Variants in MTMR9 observed in about 807,000 individuals in gnomAD.
The protein encoded by MTMR9 is myotubularin-related protein 9.
In MTMR9, 39 loss-of-function variants were observed where a neutral mutation model predicts 69.5. The ratio of observed to expected loss-of-function variants is 0.56; its 90% CI spans 0.43 to 0.73. MTMR9 has a LOEUF of 0.73. MTMR9 is among the 30% of genes least tolerant of loss of function. MTMR9 has a pLI of 0.00. For synonymous variants in MTMR9, 354 were observed against 240.8 expected, an observed-to-expected ratio of 1.47 and a Z score of -4.35; for missense variants, 900 against 671.2, an observed-to-expected ratio of 1.34 and a Z score of -3.77.
At chr8:11,319,260 T>G (rs1800560085) in intron 8 of MTMR9, 1 of 153,554 alleles carries the variant, frequency 6.5e-6, no homozygotes, top group Admixed American at 6.5e-5. Context: ...GACATAAATG[T>G]CAAAAAGTGT....
At chr8:11,296,682 C>G (rs1339981342) in intron 2 of MTMR9, among the ~76,000 whole-genome samples, 3 of 152,100 alleles carry the variant, frequency 2.0e-5, no homozygotes, top group African/African-American at 4.8e-5. Context: ...GCATAATATC[C>G]TCACAGTTCA....
At chr8:11,338,059 G>A in the MTMR9 span, among the ~76,000 whole-genome samples, 12 of 152,206 alleles carry the variant, frequency 7.9e-5, no homozygotes, top group African/African-American at 2.9e-4. Context: ...GGGAGCATTC[G>A]GACTTGTGGG....
chr8:11,285,316 G>A (rs1158054196), intron 1 of MTMR9: 4 of 399,510 alleles, frequency 1.0e-5, no homozygotes, highest in Non-Finnish European at 1.8e-5. Context: ...GATCATTTCT[G>A]GTTCGTAACA....
intron 1 of MTMR9, among the ~76,000 whole-genome samples, chr8:11,292,383 A>G (rs1232243149): frequency 1.3e-5 from 2 of 152,154 alleles, no homozygotes; most frequent in Non-Finnish European, 2.9e-5. Context: ...AGATGTAGGT[A>G]TGTGTTTTAC....
chr8:11,309,123 C>T (rs1290487605), intron 5 of MTMR9, among the ~76,000 whole-genome samples: 1 of 152,100 alleles, frequency 6.6e-6, no homozygotes, highest in East Asian at 1.9e-4. Flanking sequence ...AGCTAGAAAA[C>T]AGTGGGATCC....
downstream of MTMR9, chr8:11,331,123 C>T: frequency 1.9e-6 from 3 of 1,601,894 alleles, no homozygotes; most frequent in Non-Finnish European, 2.6e-6. Context: ...GGCAGTCACC[C>T]CTACTTCAAC....
chr8:11,315,322 G>A (rs1800370583), intron 7 of MTMR9, among the ~76,000 whole-genome samples: 1 of 152,150 alleles, frequency 6.6e-6, no homozygotes, highest in Non-Finnish European at 1.5e-5. Flanking sequence ...TACAAAGAAT[G>A]GGAAGCATAG....
At chr8:11,288,149 C>G (rs1799248409) in intron 1 of MTMR9, among the ~76,000 whole-genome samples, 1 of 130,948 alleles carries the variant, frequency 7.6e-6, no homozygotes, top group Non-Finnish European at 1.6e-5. Context: ...CCTAATTATT[C>G]AGCGAATAGG....
In MTMR9 at chr8:11,325,216, A is replaced by AAT. The variant is rs978049211; in HGVS notation, c.*2431_*2432dup. ...TACAGAAGTGTTATTTGGTAATCCA[A>AAT]ATATTAGAGTTTTCCCAAATCCAAA... On this transcript the variant is annotated 3_prime_UTR_variant, in exon 10 of 10. Transcript: ENST00000221086. 71 of 152,320 alleles carry AAT rather than the reference A, an allele frequency of 4.7e-4. No homozygotes were observed. The highest frequency in any genetic ancestry group is 1.3e-3 in the African/African-American group (52 of 41,576). The allele number at this position is 152,320 out of a possible 1,614,324, so 9.4% of individuals were successfully genotyped here.
rs1403576910 is a variant in MTMR9 at position 11,306,521 on chromosome 8, T to A, written c.809+114T>A. 14 of 882,758 alleles carry A rather than the reference T, an allele frequency of 1.6e-5. No individual in the cohort carries two copies. In the African/African-American group the frequency reaches 1.7e-4, roughly 11 times the overall value. 54.7% of individuals were successfully genotyped at this position (882,758 alleles called of 1,614,324 possible). A position where few individuals can be genotyped will look rare whatever the true frequency, so the allele number is the denominator to read the frequency against. On this transcript the variant is annotated intron_variant, in intron 5 of 9. Coordinates refer to ENST00000221086, the MANE Select transcript of MTMR9 (RefSeq NM_015458.4). Reference sequence around the variant, plus strand: ...AATTAACTTCTGCATTAATTTAGGGTCAATGATGGGCTAGCCATCTTCTCA... The same window carrying A: ...AATTAACTTCTGCATTAATTTAGGGACAATGATGGGCTAGCCATCTTCTCA...
At chr8:11,296,855 A>T (rs1437086289) in intron 2 of MTMR9, among the ~76,000 whole-genome samples, 1 of 152,032 alleles carries the variant, frequency 6.6e-6, no homozygotes, top group African/African-American at 2.4e-5. Flanking sequence ...TCACGTATCA[A>T]TTAGCTTAAG....
At chr8:11,306,070 T>A in intron 4 of MTMR9, 120 bp from the exon 5 acceptor site, 1 of 755,970 alleles carries the variant, frequency 1.3e-6, no homozygotes, top group Non-Finnish European at 2.2e-6. Context: ...ATGGATCAAA[T>A]CCATCTGCAG....
chr8:11,329,549 C>T (rs1350879440), downstream of MTMR9, among the ~76,000 whole-genome samples: 3 of 152,244 alleles, frequency 2.0e-5, no homozygotes, highest in South Asian at 2.1e-4. Context: ...CTCCTAACCG[C>T]GAGTGATCCG....
intron 1 of MTMR9, among the ~76,000 whole-genome samples, chr8:11,286,210 C>A (rs1799150027): frequency 6.6e-6 from 1 of 151,738 alleles, no homozygotes; most frequent in African/African-American, 2.4e-5. Context: ...CCTAGGCCTC[C>A]CACAGTTCTG....
intron 2 of MTMR9, among the ~76,000 whole-genome samples, chr8:11,296,940 C>T (rs1280254339): frequency 6.6e-6 from 1 of 151,986 alleles, no homozygotes; most frequent in Non-Finnish European, 1.5e-5. Flanking sequence ...AGAAATTTTA[C>T]TTGGTTAGTT....
At chr8:11,290,723 A>G (rs559829412) in intron 1 of MTMR9, among the ~76,000 whole-genome samples, 3 of 152,156 alleles carry the variant, frequency 2.0e-5, no homozygotes, top group African/African-American at 7.2e-5. Context: ...AAGTTATCCT[A>G]TATATACGGG....
chr8:11,336,430 T>A, the MTMR9 span, among the ~76,000 whole-genome samples: 1 of 152,218 alleles, frequency 6.6e-6, no homozygotes, highest in South Asian at 2.1e-4. Flanking sequence ...TAGATTCCCT[T>A]TGGTGAACAT....
intron 1 of MTMR9, among the ~76,000 whole-genome samples, chr8:11,292,720 G>A (rs1799413467): frequency 6.6e-6 from 1 of 152,120 alleles, no homozygotes. Flanking sequence ...GAGAGTGTAT[G>A]TTTGTATATT....
At chr8:11,294,922 A>G (rs1056814704) in intron 1 of MTMR9, 5 of 213,942 alleles carry the variant, frequency 2.3e-5, no homozygotes, top group South Asian at 1.2e-4. Flanking sequence ...TCTTTTTCCT[A>G]TTCTTTGAAA....
Sources: gnomAD v4.1 joint callset for allele counts (sites outside exome capture counted in the v4.1 genomes callset) on GRCh38, gnomAD v4.1.1 for gene constraint, MANE v1.5 for transcripts, NCBI Gene and HGNC (gene_info 2026-07-23, HGNC 2026-07-21) for gene names.